Variants in FCRL5 observed in about 807,000 individuals in gnomAD.
The protein encoded by FCRL5 is Fc receptor like 5, also known as Fc receptor-like protein 5.
In FCRL5, 79 loss-of-function variants were observed where a neutral mutation model predicts 92.1. That is an observed-to-expected ratio of 0.86 (90% CI 0.72 to 1.03). FCRL5 has a LOEUF of 1.03. Ranked by LOEUF, FCRL5 falls within the 50% of genes least tolerant of loss-of-function variation. FCRL5 has a pLI of 0.00. For synonymous variants in FCRL5, 466 were observed against 469.3 expected, an observed-to-expected ratio of 0.99 and a Z score of 0.09; for missense variants, 1,160 against 1,181.1, an observed-to-expected ratio of 0.98 and a Z score of 0.26.
intron 6 of FCRL5, among the ~76,000 whole-genome samples, chr1:157,540,835 A>T (rs1172493974): frequency 6.6e-6 from 1 of 152,194 alleles, no homozygotes; most frequent in Non-Finnish European, 1.5e-5. Context: ...TGGTGTTTGT[A>T]TATTTGTTGG....
At chr1:157,547,440 A>G (rs1651608920) in intron 2 of FCRL5, 2 of 700,178 alleles carry the variant, frequency 2.9e-6, no homozygotes, top group Non-Finnish European at 2.6e-6. Flanking sequence ...AGGATTCGCC[A>G]TCAAATATCA....
rs144384087 is a variant in FCRL5 at position 157,539,850 on chromosome 1, T to G, written c.1124-486A>C. On this transcript the variant is annotated intron_variant, in intron 6 of 16. Coordinates refer to ENST00000361835, the MANE Select transcript of FCRL5 (RefSeq NM_031281.3). The stretch of plus-strand genomic sequence containing the variant: ...GTAAATTGTGTATTCTGCTAAAGGT[T>G]GATCAAAGACTCAAAAGAATGCAAC... Among the ~76,000 whole-genome samples the G allele has an allele frequency of 2.0e-5, 3 of 152,360 alleles. No homozygotes were observed. In the East Asian group the frequency reaches 5.8e-4, roughly 29 times the overall value.
In FCRL5 at chr1:157,524,568, A is replaced by C; in HGVS notation, c.1961-11T>G. On this transcript the variant is annotated splice_polypyrimidine_tract_variant and intron_variant, in intron 9 of 16. Coordinates refer to ENST00000361835, the MANE Select transcript of FCRL5 (RefSeq NM_031281.3). Reference sequence around the variant, plus strand: ...GACGAGATACTGGAACTGAGGGAGGAAAAACGTTATGTATCAGCTGCTTCT... The same window carrying C: ...GACGAGATACTGGAACTGAGGGAGGCAAAACGTTATGTATCAGCTGCTTCT... The C allele has an allele frequency of 6.7e-7, 1 of 1,491,372 alleles. No individual in the cohort carries two copies. The highest frequency in any genetic ancestry group is 8.8e-7 in the Non-Finnish European group (1 of 1,138,672). The allele number at this position is 1,491,372 out of a possible 1,614,324, so 92.4% of individuals were successfully genotyped here.
At chr1:157,529,900 G>A (rs567246140) in intron 8 of FCRL5, among the ~76,000 whole-genome samples, 37 of 152,216 alleles carry the variant, frequency 2.4e-4, no homozygotes, top group African/African-American at 8.2e-4. Flanking sequence ...CAAAATCTCG[G>A]AAATTACTAC....
intron 8 of FCRL5, chr1:157,534,284 A>G (rs1650831291): frequency 1.4e-6 from 1 of 691,170 alleles, no homozygotes; most frequent in Non-Finnish European, 2.6e-6. Flanking sequence ...CTTGTAGCTA[A>G]GTTAATATGT....
intron 1 of FCRL5, among the ~76,000 whole-genome samples, chr1:157,552,090 T>A (rs1651846301): frequency 6.6e-6 from 1 of 152,178 alleles, no homozygotes; most frequent in African/African-American, 2.4e-5. Flanking sequence ...AAATGAAATT[T>A]TAATTGTTGT....
At position 157,527,740 on chromosome 1, in the gene FCRL5, G is replaced by T; in HGVS notation, c.1837C>A (p.Pro613Thr). The change falls in exon 9 of 17, where the codon CCC (proline) becomes ACC (threonine). Residue 613 changes from proline (P) to threonine (T), a missense_variant. By Grantham distance (38) the Pro-to-Thr change is conservative. Coordinates refer to ENST00000361835, the MANE Select transcript of FCRL5 (RefSeq NM_031281.3). Reference sequence around the variant, plus strand: ...TTGAAAGAAGCTTCTCCTCCAGAGGGGGCTGAGCTGCTCCCCAGGGTGACA... The same window carrying T: ...TTGAAAGAAGCTTCTCCTCCAGAGGTGGCTGAGCTGCTCCCCAGGGTGACA... ...EDVTLGSSSA[P>T]SGGEASFNLS... 6.2e-7 allele frequency: 1 copy of T among 1,614,170 alleles called. No homozygotes were observed. The highest frequency in any genetic ancestry group is 1.1e-5 in the South Asian group (1 of 91,082).
Position 157,547,184 on chromosome 1 carries a change from C to T in FCRL5, c.66G>A (p.Arg22=). The change falls in exon 3 of 17, where the codon AGG becomes AGA. Residue 22 remains arginine, a synonymous_variant. Transcript: ENST00000361835. Reference sequence around the variant, plus strand: ...ATGGAGGCTGGAGGAAAATAATGGGCCTGGGTGTCCTTGCTGAAGAGGAAA... The same window carrying T: ...ATGGAGGCTGGAGGAAAATAATGGGTCTGGGTGTCCTTGCTGAAGAGGAAA... ...PVSGQFARTP[R]PIIFLQPPWT... is the part of the protein sequence containing the mutation. 6.2e-7 allele frequency: 1 copy of T among 1,613,656 alleles called. No individual in the cohort carries two copies. Among genetic ancestry groups the T allele is most frequent in the South Asian group, 1.1e-5 (1 of 91,042 alleles).
chr1:157,518,568 C>T, intron 14 of FCRL5, 71 bp from the exon 15 acceptor site: 2 of 1,491,784 alleles, frequency 1.3e-6, no homozygotes, highest in East Asian at 4.5e-5. Flanking sequence ...TCCTCCTCCC[C>T]CAGCCAGAGT....
chr1:157,520,592 C>T (rs1340881909), intron 11 of FCRL5, 45 bp from the exon 12 acceptor site: 2 of 1,459,732 alleles, frequency 1.4e-6, no homozygotes, highest in Non-Finnish European at 1.9e-6. Flanking sequence ...AGGCTGTGGT[C>T]TGGAACTGCC....
Position 157,515,178 on chromosome 1 carries a change from T to G in FCRL5, c.*497A>C, listed in dbSNP as rs1649863821. The stretch of plus-strand genomic sequence containing the variant: ...CATCACATGTCCCATGTGCACAGGC[T>G]GTGTGCTGTCCCATTTGGCAGCACA... On this transcript the variant is annotated 3_prime_UTR_variant, in exon 17 of 17. Coordinates refer to ENST00000361835, the MANE Select transcript of FCRL5 (RefSeq NM_031281.3). 1 of 211,388 alleles carries G rather than the reference T, an allele frequency of 4.7e-6. No homozygotes were observed. Among genetic ancestry groups the G allele is most frequent in the South Asian group, 9.2e-5 (1 of 10,876 alleles). 13.1% of individuals were successfully genotyped at this position (211,388 alleles called of 1,614,324 possible).
At chr1:157,530,136 A>T (rs1263717669) in intron 8 of FCRL5, among the ~76,000 whole-genome samples, 1 of 152,222 alleles carries the variant, frequency 6.6e-6, no homozygotes, top group Non-Finnish European at 1.5e-5. Context: ...ACTCATAGAC[A>T]CATAAATAAA....
chr1:157,515,909 T>G (rs749359510), intron 15 of FCRL5, 36 bp from the exon 16 acceptor site: 30 of 1,611,424 alleles, frequency 1.9e-5, no homozygotes, highest in Middle Eastern at 2.0e-4. Flanking sequence ...TGTGGAAGAC[T>G]GGCATGGGGC....
chr1:157,520,999 C>A lies in FCRL5; in HGVS notation c.2515+18G>T, dbSNP rs768209443. On this transcript the variant is annotated intron_variant, in intron 11 of 16. Transcript: ENST00000361835. The stretch of plus-strand genomic sequence containing the variant: ...AAACATTTTGTCCGCATCTGTGGCC[C>A]GGGCACGGGAAACTTACCTGTGATA... 6.3e-7 allele frequency: 1 copy of A among 1,584,034 alleles called. No individual in the cohort carries two copies. The highest frequency in any genetic ancestry group is 1.2e-5 in the South Asian group (1 of 85,538).
Position 157,544,390 on chromosome 1 carries a change from C to T in FCRL5, c.716G>A (p.Trp239Ter), listed in dbSNP as rs756175836. 1.9e-6 allele frequency: 3 copies of T among 1,614,082 alleles called. No individual in the cohort carries two copies. Among genetic ancestry groups the T allele is most frequent in the East Asian group, 2.2e-5 (1 of 44,888 alleles). The change falls in exon 5 of 17, where the codon TGG becomes TAG. Residue 239 changes from tryptophan to a stop codon, truncating the protein, a stop_gained. Transcript: ENST00000361835. LOFTEE classifies it high-confidence loss of function. ...AATCTGGAAATTCGGGGAGAGACTC[C>T]AGCCTAATCCCAGGGTCTGGTCATC... ...FRDDQTLGLGWSLSPNFQITA... is the reference protein window; with the variant it reads ...FRDDQTLGLG
intron 6 of FCRL5, chr1:157,542,635 A>G: frequency 2.0e-6 from 1 of 510,326 alleles, no homozygotes; most frequent in Non-Finnish European, 3.4e-6. Flanking sequence ...AGGGGATAGA[A>G]AGCCACTGCA....
rs549177128 is a variant in FCRL5 at position 157,549,358 on chromosome 1, C to T, written c.52+202G>A. On this transcript the variant is annotated intron_variant, in intron 2 of 16. Transcript: ENST00000361835. ...TTAAATGACGAGTTAGTGGGTGCAGCGCACCAACATGGCACATGTATACAT... is the reference window on the plus strand; with the variant it reads ...TTAAATGACGAGTTAGTGGGTGCAGTGCACCAACATGGCACATGTATACAT... 3.1e-4 allele frequency among the ~76,000 whole-genome samples: 47 copies of T among 151,952 alleles called. No homozygotes were observed. The South Asian group carries it at 5.2e-3, about 17-fold the overall frequency.
chr1:157,515,522 C>A lies in FCRL5; in HGVS notation c.*153G>T. The A allele has an allele frequency of 6.5e-7, 1 of 1,535,108 alleles. No individual in the cohort carries two copies. The highest frequency in any genetic ancestry group is 8.9e-7 in the Non-Finnish European group (1 of 1,121,826). The stretch of plus-strand genomic sequence containing the variant: ...CAGGTGACAGTCCAGCAGGGCCCTG[C>A]ATTCTGGTCAGACTGAGAATGAGGA... On this transcript the variant is annotated 3_prime_UTR_variant, in exon 17 of 17. Coordinates refer to ENST00000361835, the MANE Select transcript of FCRL5 (RefSeq NM_031281.3).
Position 157,515,832 on chromosome 1 carries a change from G to A in FCRL5, c.2844+10C>T. 6.2e-7 allele frequency: 1 copy of A among 1,614,020 alleles called. No individual in the cohort carries two copies. Among genetic ancestry groups the A allele is most frequent in the Non-Finnish European group, 8.5e-7 (1 of 1,179,952 alleles). On this transcript the variant is annotated intron_variant, in intron 16 of 16. Transcript: ENST00000361835. ...GGGGTGGGGGAGGGCATGCAGAAGGGGAGACTCACCTTGTTCCTGAGATGC... is the reference window on the plus strand; with the variant it reads ...GGGGTGGGGGAGGGCATGCAGAAGGAGAGACTCACCTTGTTCCTGAGATGC...
Sources: allele counts gnomAD v4.1 joint callset (sites outside exome capture counted in the v4.1 genomes callset), GRCh38; gene constraint gnomAD v4.1.1; transcripts MANE v1.5; gene names NCBI Gene and HGNC (gene_info 2026-07-23, HGNC 2026-07-21).